The following PAICS variants were observed in gnomAD, a reference collection of about 807,000 sequenced individuals.
PAICS encodes the protein phosphoribosylaminoimidazole carboxylase and phosphoribosylaminoimidazolesuccinocarboxamide synthase.
In PAICS, 33 loss-of-function variants were observed where a neutral mutation model predicts 53.7. The ratio of observed to expected loss-of-function variants is 0.61; its 90% CI spans 0.47 to 0.82. The LOEUF is 0.82. Ranked by LOEUF, PAICS falls within the 40% of genes least tolerant of loss-of-function variation. PAICS has a pLI of 0.00. For missense variants in PAICS, 394 were observed against 494.1 expected, an observed-to-expected ratio of 0.80 and a Z score of 1.92; for synonymous variants, 141 against 167.2, an observed-to-expected ratio of 0.84 and a Z score of 1.21.
upstream of PAICS, chr4:56,435,631 G>C: frequency 6.9e-7 from 1 of 1,454,056 alleles, no homozygotes; most frequent in Non-Finnish European, 9.2e-7. Context: ...GGCGCGCGCT[G>C]TCCCTAGGTG....
the PAICS span, among the ~76,000 whole-genome samples, chr4:56,428,420 G>GT: frequency 6.6e-6 from 1 of 152,134 alleles, no homozygotes. Flanking sequence ...GAAATTGCCA[G>GT]AAGATTAATT....
rs763112448 is a variant in PAICS, at chr4:56,441,868, G to T, written c.214+8G>T. On this transcript the variant is annotated splice_region_variant and intron_variant, in intron 2 of 8. Coordinates refer to ENST00000512576, the MANE Select transcript of PAICS (RefSeq NM_001079524.2). ...AGTTATTACAGGAAGCAGGTAAGCA[G>T]CTCCCTCAAAGTCTCTTCTCTCACC... 5.1e-6 allele frequency: 8 copies of T among 1,575,592 alleles called. No homozygotes were observed. The Admixed American group carries it at 1.1e-4, about 21-fold the overall frequency.
chr4:56,438,558 CA>C (rs1338408740), intron 1 of PAICS, among the ~76,000 whole-genome samples: 2 of 151,634 alleles, frequency 1.3e-5, no homozygotes, highest in Admixed American at 1.3e-4. Context: ...CTCAGCCCCC[CA>C]AGTAGCTGGG....
At chr4:56,456,957 C>T (rs1719243434) in intron 8 of PAICS, among the ~76,000 whole-genome samples, 1 of 152,086 alleles carries the variant, frequency 6.6e-6, no homozygotes. Context: ...TGGTCCGTGT[C>T]AAAATTGGGC....
At chr4:56,437,222 G>A (rs1291188343) in intron 1 of PAICS, among the ~76,000 whole-genome samples, 5 of 148,646 alleles carry the variant, frequency 3.4e-5, no homozygotes, top group Non-Finnish European at 7.4e-5. Context: ...GCTGGGGAGG[G>A]GGGCTGTTTT....
intron 8 of PAICS, among the ~76,000 whole-genome samples, chr4:56,456,349 C>T (rs1350588414): frequency 3.3e-5 from 5 of 152,210 alleles, no homozygotes; most frequent in Admixed American, 6.5e-5. Flanking sequence ...GCCCTGGCCT[C>T]CCAAAGTGCT....
upstream of PAICS, among the ~76,000 whole-genome samples, chr4:56,431,160 T>A (rs1717564778): frequency 6.6e-6 from 1 of 152,204 alleles, no homozygotes; most frequent in South Asian, 2.1e-4. Flanking sequence ...AGGTTATAGA[T>A]TATGGGAGTA....
chr4:56,462,613 T>C lies in PAICS; in HGVS notation c.*3075T>C, dbSNP rs1486260357. On this transcript the variant is annotated 3_prime_UTR_variant, in exon 9 of 9. Transcript: ENST00000512576. ...TGTGAGAATTACATGAGTCAATATA[T>C]GTAAGGCCCATCATGGCACACAAAT... 1 of 152,196 alleles carries C rather than the reference T, an allele frequency of 6.6e-6. No individual in the cohort carries two copies. The highest frequency in any genetic ancestry group is 2.4e-5 in the African/African-American group (1 of 41,444). The allele number at this position is 152,196 out of a possible 1,614,324, so 9.4% of individuals were successfully genotyped here.
rs1336870266 is a variant in PAICS, at chr4:56,443,652, T to A, written c.214+1792T>A. Among the ~76,000 whole-genome samples the A allele has an allele frequency of 2.6e-5, 4 of 152,232 alleles. No individual in the cohort carries two copies. In the East Asian group the frequency reaches 7.7e-4, roughly 29 times the overall value. On this transcript the variant is annotated intron_variant, in intron 2 of 8. Transcript: ENST00000512576. ...CAGGATTATATTAAGTAATGGAAGATAAAGCCTGACTTTTTATTTGCTTAT... is the reference window on the plus strand; with the variant it reads ...CAGGATTATATTAAGTAATGGAAGAAAAAGCCTGACTTTTTATTTGCTTAT...
upstream of PAICS, chr4:56,435,997 G>T (rs986130061): frequency 2.0e-6 from 3 of 1,525,290 alleles, no homozygotes; most frequent in African/African-American, 1.4e-5. Context: ...TCCGCAGAGT[G>T]GGGAGGGGCC....
Position 56,462,938 on chromosome 4 carries a change from TGTG to T in PAICS, c.*3404_*3406del. On this transcript the variant is annotated 3_prime_UTR_variant, in exon 9 of 9. Coordinates refer to ENST00000512576, the MANE Select transcript of PAICS (RefSeq NM_001079524.2). Reference sequence around the variant, plus strand: ...TCGCTTGAACCTGGGAAGCGGAGGTTGTGGTGAGCCGAGGTTGCGCCATTGTAC... The same window carrying T: ...TCGCTTGAACCTGGGAAGCGGAGGTTGTGAGCCGAGGTTGCGCCATTGTAC... 1 of 152,096 alleles carries T rather than the reference TGTG, an allele frequency of 6.6e-6. No individual in the cohort carries two copies. The highest frequency in any genetic ancestry group is 1.5e-5 in the Non-Finnish European group (1 of 68,054). 9.4% of individuals were successfully genotyped at this position (152,096 alleles called of 1,614,324 possible). A position where few individuals can be genotyped will look rare whatever the true frequency, so the allele number is the denominator to read the frequency against.
chr4:56,417,451 A>G, the PAICS span, among the ~76,000 whole-genome samples: 1 of 152,136 alleles, frequency 6.6e-6, no homozygotes, highest in Non-Finnish European at 1.5e-5. Context: ...CCAAAACCTA[A>G]ACTCAATTAT....
the PAICS span, among the ~76,000 whole-genome samples, chr4:56,419,432 T>C: frequency 6.6e-6 from 1 of 152,172 alleles, no homozygotes; most frequent in Non-Finnish European, 1.5e-5. Context: ...GTAACCGGCA[T>C]AATAATGGAC....
chr4:56,445,149 C>A (rs563780174), intron 2 of PAICS, among the ~76,000 whole-genome samples: 2 of 151,872 alleles, frequency 1.3e-5, no homozygotes, highest in African/African-American at 4.8e-5. Context: ...TTGAGTCTTA[C>A]GAGTCAGATT....
chr4:56,431,892 C>T (rs1471122700), upstream of PAICS, among the ~76,000 whole-genome samples: 1 of 152,118 alleles, frequency 6.6e-6, no homozygotes, highest in Non-Finnish European at 1.5e-5. Flanking sequence ...ATAAATCAGG[C>T]ATGAACATAC....
chr4:56,425,366 C>G, the PAICS span: 1 of 667,644 alleles, frequency 1.5e-6, no homozygotes, highest in Non-Finnish European at 1.9e-6. Flanking sequence ...TCATTTTAAT[C>G]CAATAGTACA....
the PAICS span, chr4:56,419,690 C>T: frequency 6.1e-6 from 6 of 983,580 alleles, no homozygotes; most frequent in South Asian, 4.7e-5. Flanking sequence ...GAGGAAAGCA[C>T]TGGACTGTGC....
chr4:56,436,227 C>T, upstream of PAICS: 1 of 1,539,818 alleles, frequency 6.5e-7, no homozygotes, highest in Non-Finnish European at 8.8e-7. Context: ...TCCTTCCCCG[C>T]CCAGCGAAGC....
chr4:56,433,704 T>TC (rs80343511), upstream of PAICS, among the ~76,000 whole-genome samples: 27,565 of 151,794 alleles, frequency 0.18, 2,820 homozygotes, highest in Admixed American at 0.32. Flanking sequence ...CAACTGTTTT[T>TC]TTTTTTTTGA....
Sources: allele counts gnomAD v4.1 joint callset (sites outside exome capture counted in the v4.1 genomes callset), GRCh38; gene constraint gnomAD v4.1.1; transcripts MANE v1.5; gene names NCBI Gene and HGNC (gene_info 2026-07-23, HGNC 2026-07-21).